SCYL2: variants seen among roughly 807,000 people sequenced by gnomAD.
The protein encoded by SCYL2 is SCY1-like protein 2.
SCYL2 carries 36 observed loss-of-function variants against 100.4 expected under a neutral mutation model. The observed-to-expected ratio is 0.36, with a 90% CI of 0.27 to 0.47. The LOEUF (loss-of-function observed/expected upper bound fraction) is 0.47, where lower values mean the gene tolerates loss of function less well. SCYL2 is among the 20% of genes least tolerant of loss of function. The probability of loss-of-function intolerance (pLI) is 1.00; values close to 1 mark genes in which losing one functional copy is unlikely to be tolerated. For missense variants in SCYL2, 902 were observed against 1,083.9 expected (o/e 0.83, Z 2.36); for synonymous variants, 330 against 359.2 (o/e 0.92, Z 0.92).
At chr12:100,284,530 C>T (rs909336826) in intron 2 of SCYL2, among the ~76,000 whole-genome samples, 2 of 152,106 alleles carry the variant, frequency 1.3e-5, no homozygotes, top group Non-Finnish European at 2.9e-5. Context: ...TCCTTAAGCA[C>T]CTTGACATTG....
chr12:100,327,882 C>A (rs953004046), intron 12 of SCYL2, among the ~76,000 whole-genome samples: 4 of 152,194 alleles, frequency 2.6e-5, no homozygotes, highest in Admixed American at 6.5e-5. Context: ...AGAAACTGCT[C>A]AGTAAATATT....
intron 10 of SCYL2, among the ~76,000 whole-genome samples, chr12:100,321,103 C>T (rs972054064): frequency 6.6e-6 from 1 of 152,068 alleles, no homozygotes; most frequent in African/African-American, 2.4e-5. Context: ...ATGCCTGGCT[C>T]ATTTTTAAAT....
intron 12 of SCYL2, among the ~76,000 whole-genome samples, chr12:100,328,833 A>G (rs568048513): frequency 1.8e-4 from 27 of 152,320 alleles, no homozygotes; most frequent in African/African-American, 6.0e-4. Context: ...TTTGAAATAG[A>G]TGCCTTGAGT....
intron 7 of SCYL2, 112 bp from the exon 8 acceptor site, chr12:100,314,377 C>A: frequency 1.4e-6 from 1 of 700,866 alleles, no homozygotes. Flanking sequence ...TGATCTTCAG[C>A]ATTTTGCTAA....
intron 3 of SCYL2, among the ~76,000 whole-genome samples, chr12:100,296,412 T>G (rs1181588038): frequency 6.6e-6 from 1 of 151,702 alleles, no homozygotes; most frequent in Non-Finnish European, 1.5e-5. Flanking sequence ...AAAAAGTGAG[T>G]TTTTCAAGAG....
In SCYL2 at chr12:100,303,986, G is replaced by A. The variant is rs933171267; in HGVS notation, c.480+5811G>A. ...GAGGAGGAATCTAGAGAGCTAGTCT[G>A]GTTATAGTGGCTTTGCAGCTGCAGT... On this transcript the variant is annotated intron_variant, in intron 4 of 17. Coordinates refer to ENST00000360820, the MANE Select transcript of SCYL2 (RefSeq NM_017988.6). Among the ~76,000 whole-genome samples, 6 of 152,306 alleles carry A rather than the reference G, an allele frequency of 3.9e-5. No homozygotes were observed. In the East Asian group the frequency reaches 9.6e-4, roughly 24 times the overall value.
At position 100,338,959 on chromosome 12, in the gene SCYL2, G is replaced by C; in HGVS notation, c.2577G>C (p.Gln859His). ...PKVSMNQLSQ[Q>H]KPNQWLNQFV... Reference sequence around the variant, plus strand: ...TTAGCATGAACCAGTTATCACAACAGAAACCAAATCAGTGGCTTAATCAGT... The same window carrying C: ...TTAGCATGAACCAGTTATCACAACACAAACCAAATCAGTGGCTTAATCAGT... Residue 859 changes from glutamine to histidine, a missense_variant, in exon 18 of 18, where the codon CAG (glutamine) becomes CAC (histidine). Coordinates refer to ENST00000360820, the MANE Select transcript of SCYL2 (RefSeq NM_017988.6). 1 of 1,614,146 alleles carries C rather than the reference G, an allele frequency of 6.2e-7. No homozygotes were observed. The highest frequency in any genetic ancestry group is 8.5e-7 in the Non-Finnish European group (1 of 1,179,978).
chr12:100,333,619 A>T (rs1192733992), intron 13 of SCYL2: 1 of 152,326 alleles, frequency 6.6e-6, no homozygotes, highest in African/African-American at 2.4e-5. Flanking sequence ...CAAAGCTTAA[A>T]CTATGTTAAG....
At position 100,290,143 on chromosome 12, in the gene SCYL2, C is replaced by A. The variant is rs554579167; in HGVS notation, c.178-1360C>A. Among the ~76,000 whole-genome samples, 53 of 152,228 alleles carry A rather than the reference C, an allele frequency of 3.5e-4. 1 individual carries two copies. The highest frequency in any genetic ancestry group is 3.4e-3 in the Middle Eastern group (1 of 294). On this transcript the variant is annotated intron_variant, in intron 2 of 17. Transcript: ENST00000360820. ...TTCTTCAGTGGTCCTTTGAGGTATT[C>A]ATACTATTATTTATTCTTTTTTTTT...
At chr12:100,320,560 A>ATAAT (rs2096354583) in intron 10 of SCYL2, among the ~76,000 whole-genome samples, 1 of 133,798 alleles carries the variant, frequency 7.5e-6, no homozygotes, top group Non-Finnish European at 1.7e-5. Context: ...AAATAAATAA[A>ATAAT]TAAATAAATA....
intron 4 of SCYL2, among the ~76,000 whole-genome samples, chr12:100,301,881 C>T (rs554094051): frequency 9.2e-5 from 14 of 152,284 alleles, no homozygotes; most frequent in Admixed American, 5.9e-4. Context: ...GCTGGGTCAC[C>T]GCCCTGAAGC....
chr12:100,291,761 T>G, intron 3 of SCYL2, 101 bp downstream of exon 3: 1 of 1,164,504 alleles, frequency 8.6e-7, no homozygotes, highest in African/African-American at 1.6e-5. Context: ...TGAAAAATTC[T>G]TATACTCTAA....
intron 16 of SCYL2, 27 bp downstream of exon 16, chr12:100,335,933 C>T: frequency 6.4e-7 from 1 of 1,556,710 alleles, no homozygotes; most frequent in Non-Finnish European, 8.9e-7. Flanking sequence ...TTCTTTCAGC[C>T]CTCTTATTTT....
Position 100,338,728 on chromosome 12 carries a change from A to G in SCYL2, c.2346A>G (p.Ser782=), listed in dbSNP as rs1174731983. 1 of 1,614,168 alleles carries G rather than the reference A, an allele frequency of 6.2e-7. No homozygotes were observed. Among genetic ancestry groups the G allele is most frequent in the Non-Finnish European group, 8.5e-7 (1 of 1,179,994 alleles). ...ATGCCAATATGGGCTTTCAGACTTC[A>G]GGATTCAACATGCCCGTTAATACAA... is the stretch of plus-strand genomic sequence containing the variant. ...GLNANMGFQT[S]GFNMPVNTNQ... is the part of the protein sequence containing the mutation. Residue 782 remains serine (S), a synonymous_variant, in exon 18 of 18, where the codon TCA becomes TCG. Coordinates refer to ENST00000360820, the MANE Select transcript of SCYL2 (RefSeq NM_017988.6).
chr12:100,315,626 T>C lies in SCYL2; in HGVS notation c.1164T>C (p.Phe388=). Residue 388 remains phenylalanine, a synonymous_variant, in exon 9 of 18, where the codon TTT becomes TTC. Transcript: ENST00000360820. ...SEFVNPDMVP[F]VLPNVLLIAE... is the part of the protein sequence containing the mutation. ...TTGTAAACCCTGACATGGTACCTTT[T>C]GTTTTGCCCAATGTTCTACTTATTG... The C allele has an allele frequency of 1.9e-6, 3 of 1,612,332 alleles. No homozygotes were observed. Among genetic ancestry groups the C allele is most frequent in the Non-Finnish European group, 2.5e-6 (3 of 1,178,954 alleles).
intron 3 of SCYL2, 50 bp from the exon 4 acceptor site, chr12:100,297,981 G>C (rs1260571360): frequency 7.3e-7 from 1 of 1,368,194 alleles, no homozygotes; most frequent in Non-Finnish European, 1.0e-6. Flanking sequence ...ATTTGATTTT[G>C]ATAATGTGTA....
At position 100,313,551 on chromosome 12, in the gene SCYL2, G is replaced by A; in HGVS notation, c.969+13G>A. On this transcript the variant is annotated intron_variant, in intron 7 of 17. Transcript: ENST00000360820. ...TCAAATGACAAAGGTGAGTACATGT[G>A]GATTTCTGCCTAAGATGGAGGAACA... 2 of 1,393,768 alleles carry A rather than the reference G, an allele frequency of 1.4e-6. No individual in the cohort carries two copies. 86.3% of individuals were successfully genotyped at this position (1,393,768 alleles called of 1,614,324 possible). A position where few individuals can be genotyped will look rare whatever the true frequency, so the allele number is the denominator to read the frequency against.
At chr12:100,283,551 T>C (rs1293334651) in intron 2 of SCYL2, among the ~76,000 whole-genome samples, 1 of 152,170 alleles carries the variant, frequency 6.6e-6, no homozygotes, top group Non-Finnish European at 1.5e-5. Flanking sequence ...CAACGTTAAG[T>C]GCGTCTTAGT....
At chr12:100,333,404 G>A (rs1042353371) in intron 13 of SCYL2, among the ~76,000 whole-genome samples, 1 of 152,114 alleles carries the variant, frequency 6.6e-6, no homozygotes, top group African/African-American at 2.4e-5. Flanking sequence ...AAATATTAAT[G>A]AACCTACTTT....
Sources: allele counts gnomAD v4.1 joint callset (sites outside exome capture counted in the v4.1 genomes callset), GRCh38; gene constraint gnomAD v4.1.1; transcripts MANE v1.5; gene names NCBI Gene and HGNC (gene_info 2026-07-23, HGNC 2026-07-21).